The following ZDHHC20 variants were observed in gnomAD, a reference collection of about 807,000 sequenced individuals.
The protein encoded by ZDHHC20 is palmitoyltransferase ZDHHC20.
ZDHHC20 carries 43 observed loss-of-function variants against 57.8 expected under a neutral mutation model. The ratio of observed to expected loss-of-function variants is 0.74; its 90% confidence interval spans 0.58 to 0.96. ZDHHC20 has a LOEUF of 0.96. Ranked by LOEUF, ZDHHC20 falls within the 40% of genes least tolerant of loss-of-function variation. The probability of loss-of-function intolerance (pLI) is 0.00; values close to 1 mark genes in which losing one functional copy is unlikely to be tolerated. For missense variants in ZDHHC20, 391 were observed against 441.1 expected, an observed-to-expected ratio of 0.89 and a Z score of 1.02; for synonymous variants, 157 against 153.0, an observed-to-expected ratio of 1.03 and a Z score of -0.19.
At chr13:21,402,994 A>G (rs1877922398) in intron 4 of ZDHHC20, 128 bp from the exon 5 acceptor site, 1 of 659,724 alleles carries the variant, frequency 1.5e-6, no homozygotes, top group Admixed American at 2.6e-5. Flanking sequence ...AACAATACCA[A>G]CAATACCAAA....
chr13:21,409,363 C>T (rs1455795531), intron 4 of ZDHHC20, among the ~76,000 whole-genome samples: 2 of 152,160 alleles, frequency 1.3e-5, no homozygotes, highest in Non-Finnish European at 2.9e-5. Context: ...AGGAATTTAT[C>T]CATTTCTTCC....
intron 1 of ZDHHC20, among the ~76,000 whole-genome samples, chr13:21,449,305 T>C (rs951796101): frequency 2.0e-5 from 3 of 152,240 alleles, no homozygotes; most frequent in Non-Finnish European, 4.4e-5. Context: ...GTTTGGGCTA[T>C]GATCAGCTGG....
chr13:21,393,196 T>C (rs531046827), intron 7 of ZDHHC20, among the ~76,000 whole-genome samples: 11 of 151,816 alleles, frequency 7.2e-5, no homozygotes, highest in Non-Finnish European at 1.5e-4. Context: ...TTTCTTTTTT[T>C]TTTTTTTTAA....
At chr13:21,458,942 G>A (rs1037584632) in intron 1 of ZDHHC20, 112 bp downstream of exon 1, 136 of 745,248 alleles carry the variant, frequency 1.8e-4, no homozygotes, top group Non-Finnish European at 2.5e-4. Flanking sequence ...GGGGCCGGAC[G>A]CCCGGCGTCC....
intron 7 of ZDHHC20, 113 bp downstream of exon 7, chr13:21,400,260 C>T (rs1877428610): frequency 9.6e-7 from 1 of 1,044,800 alleles, no homozygotes. Flanking sequence ...TTATAAAACT[C>T]TAACTTGTAA....
intron 8 of ZDHHC20, among the ~76,000 whole-genome samples, chr13:21,390,601 A>C (rs1875515531): frequency 6.6e-6 from 1 of 152,172 alleles, no homozygotes; most frequent in Non-Finnish European, 1.5e-5. Context: ...GGGGGAAAAA[A>C]GTAAAGAATA....
At chr13:21,386,669 C>T (rs1257018267) in intron 9 of ZDHHC20, among the ~76,000 whole-genome samples, 2 of 152,166 alleles carry the variant, frequency 1.3e-5, no homozygotes, top group Admixed American at 1.3e-4. Context: ...GTGCCTCAGC[C>T]TCCCGAGTAG....
At chr13:21,411,563 C>T (rs1437528550) in intron 4 of ZDHHC20, among the ~76,000 whole-genome samples, 1 of 152,094 alleles carries the variant, frequency 6.6e-6, no homozygotes, top group African/African-American at 2.4e-5. Flanking sequence ...TTTCTCTTTC[C>T]CCTACCCTTC....
rs76627734 is a variant in ZDHHC20, at chr13:21,438,897, C to G, written c.119-13219G>C. Among the ~76,000 whole-genome samples the G allele has an allele frequency of 6.7e-3, 1,027 of 152,302 alleles. 16 individuals are homozygous for G. The highest frequency in any genetic ancestry group is 0.023 in the African/African-American group (959 of 41,556). On this transcript the variant is annotated intron_variant, in intron 1 of 12. Transcript: ENST00000400590. ...GCAGCCATCATCATCGAGGCAAGAC[C>G]TTTCACCAGCAAAAAGATCAAGACT...
chr13:21,453,340 G>T (rs9509730), intron 1 of ZDHHC20, among the ~76,000 whole-genome samples: 25,824 of 152,130 alleles, frequency 0.17, 2,701 homozygotes, highest in Non-Finnish European at 0.25. Context: ...GAACTACAAG[G>T]AGAAATAAAT....
At chr13:21,376,694 T>A in intron 12 of ZDHHC20, 39 bp from the exon 13 acceptor site, 1 of 1,305,688 alleles carries the variant, frequency 7.7e-7, no homozygotes, top group Non-Finnish European at 1.0e-6. Flanking sequence ...AAAACTTGAT[T>A]TTTTATTTCT....
chr13:21,377,446 T>C (rs1872359132), intron 12 of ZDHHC20, among the ~76,000 whole-genome samples: 1 of 107,480 alleles, frequency 9.3e-6, no homozygotes, highest in African/African-American at 4.5e-5. Flanking sequence ...GATCTGACTC[T>C]GCCCGACGTG....
In ZDHHC20 at chr13:21,404,626, C is replaced by T. The variant is rs1280209592; in HGVS notation, c.371-1760G>A. On this transcript the variant is annotated intron_variant, in intron 4 of 12. Coordinates refer to ENST00000400590, the MANE Select transcript of ZDHHC20 (RefSeq NM_001330059.2). ...AAAATTAGCTGGGCGTGGTGGTGGG[C>T]GCTTGTAGTCCCAGCTACTCGGGAG... Among the ~76,000 whole-genome samples, 6 of 151,874 alleles carry T rather than the reference C, an allele frequency of 4.0e-5. No homozygotes were observed. In the East Asian group the frequency reaches 9.7e-4, roughly 25 times the overall value.
chr13:21,452,903 C>A (rs972811225), intron 1 of ZDHHC20, among the ~76,000 whole-genome samples: 3 of 151,450 alleles, frequency 2.0e-5, no homozygotes, highest in Non-Finnish European at 4.4e-5. Context: ...AAAAGAAGGT[C>A]AAAGAAGGAG....
Position 21,448,704 on chromosome 13 carries a change from C to T in ZDHHC20, c.118+10350G>A, listed in dbSNP as rs1389054363. 6.0e-5 allele frequency among the ~76,000 whole-genome samples: 6 copies of T among 99,716 alleles called. 1 individual carries two copies. The highest frequency in any genetic ancestry group is 9.5e-5 in the Admixed American group (1 of 10,544). The allele number at this position is 99,716 out of a possible 152,430, so 65.4% of individuals were successfully genotyped here. On this transcript the variant is annotated intron_variant, in intron 1 of 12. Transcript: ENST00000400590. ...GAGCCCCTTTGCCCGGCCACCACCC[C>T]GTCTGGGAGGTGTGCCCAACAGCTC...
At chr13:21,407,267 T>G (rs9506670) in intron 4 of ZDHHC20, among the ~76,000 whole-genome samples, 26,458 of 152,194 alleles carry the variant, frequency 0.17, 2,823 homozygotes, top group Non-Finnish European at 0.25. Flanking sequence ...GTGCTGGGAT[T>G]ATAGGTGTGA....
intron 2 of ZDHHC20, among the ~76,000 whole-genome samples, chr13:21,424,545 T>G (rs950274837): frequency 1.3e-5 from 2 of 151,986 alleles, no homozygotes; most frequent in Admixed American, 1.3e-4. Flanking sequence ...CCGTCTCTAC[T>G]AAAAAAATAC....
In ZDHHC20 at chr13:21,403,457, A is replaced by G. The variant is rs1878001183; in HGVS notation, c.371-591T>C. Among the ~76,000 whole-genome samples, 3 of 152,228 alleles carry G rather than the reference A, an allele frequency of 2.0e-5. No homozygotes were observed. The South Asian group carries it at 6.2e-4, about 31-fold the overall frequency. On this transcript the variant is annotated intron_variant, in intron 4 of 12. Coordinates refer to ENST00000400590, the MANE Select transcript of ZDHHC20 (RefSeq NM_001330059.2). ...ATTTAAAATGTATGGAACACCTGCT[A>G]GGTGCCAGATATTGTTCATGCCTTC...
At chr13:21,448,639 G>C (rs2138048916) in intron 1 of ZDHHC20, among the ~76,000 whole-genome samples, 1 of 98,980 alleles carries the variant, frequency 1.0e-5, no homozygotes, top group East Asian at 2.3e-4. Context: ...TCCGGGAGGT[G>C]AGGGGCGCCT....
Sources: allele counts gnomAD v4.1 joint callset (sites outside exome capture counted in the v4.1 genomes callset), GRCh38; gene constraint gnomAD v4.1.1; transcripts MANE v1.5; gene names NCBI Gene and HGNC (gene_info 2026-07-23, HGNC 2026-07-21).